SYNPR: variants seen among roughly 807,000 people sequenced by gnomAD.
SYNPR encodes the protein synaptoporin.
In SYNPR, 23 loss-of-function variants were observed where a neutral mutation model predicts 32.9. That is an observed-to-expected ratio of 0.70 (90% CI 0.50 to 0.99). The LOEUF (loss-of-function observed/expected upper bound fraction) is 0.99. Ranked by LOEUF, SYNPR falls within the 50% of genes least tolerant of loss-of-function variation. The pLI, the probability that SYNPR is intolerant of heterozygous loss-of-function variation, is 0.00. For missense variants in SYNPR, 318 were observed against 349.3 expected (o/e 0.91, Z 0.71); for synonymous variants, 146 against 135.9 (o/e 1.07, Z -0.52).
intron 2 of SYNPR, among the ~76,000 whole-genome samples, chr3:63,371,237 C>T (rs1177044063): frequency 2.6e-5 from 4 of 152,022 alleles, no homozygotes; most frequent in Admixed American, 2.6e-4. Flanking sequence ...TGTGAGCCCA[C>T]CCCACAGGGG....
At chr3:63,417,690 T>C (rs1400788288) in intron 2 of SYNPR, among the ~76,000 whole-genome samples, 1 of 152,242 alleles carries the variant, frequency 6.6e-6, no homozygotes, top group Admixed American at 6.5e-5. Flanking sequence ...TTCTGTGCAC[T>C]GGCAGGCTCA....
intron 2 of SYNPR, among the ~76,000 whole-genome samples, chr3:63,324,482 A>G (rs1470604827): frequency 2.0e-5 from 3 of 152,140 alleles, no homozygotes; most frequent in Non-Finnish European, 4.4e-5. Context: ...ATCTGGAATC[A>G]GCATAAGATA....
At chr3:63,255,992 C>G (rs969683617) in intron 2 of SYNPR, among the ~76,000 whole-genome samples, 3 of 152,176 alleles carry the variant, frequency 2.0e-5, no homozygotes, top group Non-Finnish European at 2.9e-5. Context: ...AGTCTGAGAT[C>G]AAACTGCAAG....
chr3:63,468,851 G>C (rs1700739647), intron 2 of SYNPR, among the ~76,000 whole-genome samples: 1 of 152,018 alleles, frequency 6.6e-6, no homozygotes, highest in Admixed American at 6.6e-5. Flanking sequence ...TCTGATAATG[G>C]ATGCTGTGCT....
At chr3:63,587,206 T>C (rs1426761705) in intron 4 of SYNPR, among the ~76,000 whole-genome samples, 1 of 152,126 alleles carries the variant, frequency 6.6e-6, no homozygotes, top group Non-Finnish European at 1.5e-5. Context: ...TGTCACTTGA[T>C]GATTGCACTG....
chr3:63,467,730 T>C (rs1331204045), intron 2 of SYNPR, among the ~76,000 whole-genome samples: 2 of 152,232 alleles, frequency 1.3e-5, no homozygotes, highest in African/African-American at 2.4e-5. Context: ...TGTCTGCTCT[T>C]GTATTTTGAA....
Position 63,387,073 on chromosome 3 carries a change from T to C in SYNPR, c.85-93759T>C, listed in dbSNP as rs2088055749. On this transcript the variant is annotated intron_variant, in intron 2 of 5. Coordinates refer to ENST00000478300, the MANE Select transcript of SYNPR (RefSeq NM_001130003.2). ...TGAATCAGGACTATCCTTTAATAGA[T>C]GATACAATGTTTCAAAGAGCAAAAG... is the stretch of plus-strand genomic sequence containing the variant. 2.6e-5 allele frequency among the ~76,000 whole-genome samples: 4 copies of C among 152,212 alleles called. No homozygotes were observed. In the South Asian group the frequency reaches 8.3e-4, roughly 32 times the overall value.
chr3:63,596,440 C>A (rs531044150), intron 4 of SYNPR, among the ~76,000 whole-genome samples: 3 of 151,780 alleles, frequency 2.0e-5, no homozygotes, highest in Non-Finnish European at 4.4e-5. Flanking sequence ...ATCTACCAGC[C>A]ACCAGCCTGC....
intron 2 of SYNPR, among the ~76,000 whole-genome samples, chr3:63,436,481 T>G (rs767536322): frequency 1.3e-5 from 2 of 152,094 alleles, no homozygotes; most frequent in Non-Finnish European, 1.5e-5. Flanking sequence ...TGGTTTTAGC[T>G]GTGATATGTA....
chr3:63,299,518 C>T (rs569723256), intron 2 of SYNPR, among the ~76,000 whole-genome samples: 2 of 152,150 alleles, frequency 1.3e-5, no homozygotes, highest in East Asian at 3.9e-4. Flanking sequence ...TTTCTCTTGA[C>T]TCAGATTCTC....
chr3:63,203,239 G>T, the SYNPR span: 3 of 152,104 alleles, frequency 2.0e-5, no homozygotes, highest in Admixed American at 2.0e-4. Context: ...AAAGCTCCAG[G>T]TCCATCCCAT....
At chr3:63,275,065 C>T (rs879326086), upstream of SYNPR, among the ~76,000 whole-genome samples, 1 of 152,180 alleles carries the variant, frequency 6.6e-6, no homozygotes, top group Non-Finnish European at 1.5e-5. Flanking sequence ...TAAAATGGAT[C>T]ATTTATGCCC....
At chr3:63,572,439 G>T (rs896613991) in intron 4 of SYNPR, among the ~76,000 whole-genome samples, 4 of 152,192 alleles carry the variant, frequency 2.6e-5, no homozygotes, top group Non-Finnish European at 5.9e-5. Context: ...TCTGAGTAAG[G>T]CATTATGCTA....
chr3:63,507,055 G>A (rs921845956), intron 3 of SYNPR, among the ~76,000 whole-genome samples: 7 of 151,982 alleles, frequency 4.6e-5, no homozygotes, highest in African/African-American at 7.2e-5. Flanking sequence ...GCCGAGGTGG[G>A]AGAATCACTT....
At chr3:63,245,731 GTGTGTGTGTA>G (rs762927593) in intron 1 of SYNPR, among the ~76,000 whole-genome samples, 2,326 of 91,914 alleles carry the variant, frequency 0.025, 35 homozygotes, top group African/African-American at 0.082. Context: ...GTGTGTGTGT[GTGTGTGTGTA>G]TGTGTGTGTG....
intron 3 of SYNPR, among the ~76,000 whole-genome samples, chr3:63,269,898 CT>C (rs931617895): frequency 6.0e-4 from 91 of 152,304 alleles, no homozygotes; most frequent in African/African-American, 2.2e-3. Flanking sequence ...TTCTCTGTGC[CT>C]ATTATGTGCC....
chr3:63,363,064 T>C (rs185609167), intron 2 of SYNPR, among the ~76,000 whole-genome samples: 1 of 152,296 alleles, frequency 6.6e-6, no homozygotes, highest in African/African-American at 2.4e-5. Flanking sequence ...TAGCAAATAG[T>C]ACTTTTGGGT....
intron 3 of SYNPR, among the ~76,000 whole-genome samples, chr3:63,549,311 C>T (rs533007643): frequency 6.0e-4 from 92 of 152,240 alleles, no homozygotes; most frequent in Non-Finnish European, 9.9e-4. Context: ...TGAGATGGCA[C>T]GGGAAAGCTG....
chr3:63,414,862 T>C (rs988911136), intron 2 of SYNPR, among the ~76,000 whole-genome samples: 9 of 152,170 alleles, frequency 5.9e-5, no homozygotes, highest in African/African-American at 1.9e-4. Context: ...TATGTATATT[T>C]TGAATCTTAC....
Sources: gnomAD v4.1 joint callset for allele counts (sites outside exome capture counted in the v4.1 genomes callset) on GRCh38, gnomAD v4.1.1 for gene constraint, MANE v1.5 for transcripts, NCBI Gene and HGNC (gene_info 2026-07-23, HGNC 2026-07-21) for gene names.